Variants in CMKLR1 observed in about 807,000 individuals in gnomAD.
CMKLR1 encodes chemerin-like receptor 1.
CMKLR1 carries 6 observed loss-of-function variants against 8.2 expected under a neutral mutation model. The observed-to-expected ratio is 0.73, with a 90% CI of 0.40 to 1.44. The LOEUF is 1.44. Among genes scored for constraint, CMKLR1 ranks in the 40% most tolerant of loss-of-function variants. CMKLR1 has a pLI of 0.02. For synonymous variants in CMKLR1, 178 were observed against 181.2 expected (o/e 0.98, Z 0.14); for missense variants, 429 against 478.0 (o/e 0.90, Z 0.96).
At chr12:108,334,390 C>A (rs546178491) in intron 1 of CMKLR1, among the ~76,000 whole-genome samples, 1 of 152,328 alleles carries the variant, frequency 6.6e-6, no homozygotes, top group East Asian at 1.9e-4. Flanking sequence ...TGTGGCCAGC[C>A]CAGTTGAAGC....
chr12:108,328,569 C>G (rs1300260239), intron 2 of CMKLR1, among the ~76,000 whole-genome samples: 1 of 152,222 alleles, frequency 6.6e-6, no homozygotes, highest in Non-Finnish European at 1.5e-5. Context: ...GGAGCAGCTG[C>G]CTCTATCCAC....
At position 108,332,566 on chromosome 12, in the gene CMKLR1, C is replaced by T. The variant is rs185656688; in HGVS notation, c.-286-2359G>A. Reference sequence around the variant, plus strand: ...AGAGACTATAAAGCAGGCAGAAAAACCTGAAAAGGAGAGACCGGCCTAGCC... The same window carrying T: ...AGAGACTATAAAGCAGGCAGAAAAATCTGAAAAGGAGAGACCGGCCTAGCC... On this transcript the variant is annotated intron_variant, in intron 1 of 3. Transcript: ENST00000550402. Among the ~76,000 whole-genome samples the T allele has an allele frequency of 4.3e-4, 66 of 152,228 alleles. 1 individual carries two copies. The Middle Eastern group carries it at 0.014, about 31-fold the overall frequency.
At chr12:108,318,612 C>T (rs1593173280) in intron 2 of CMKLR1, among the ~76,000 whole-genome samples, 1 of 152,258 alleles carries the variant, frequency 6.6e-6, no homozygotes, top group East Asian at 1.9e-4. Context: ...CTCCTCGTCA[C>T]CCCAGAGGGC....
intron 2 of CMKLR1, among the ~76,000 whole-genome samples, chr12:108,299,923 C>T (rs1013659508): frequency 4.6e-5 from 7 of 152,314 alleles, no homozygotes; most frequent in Middle Eastern, 3.4e-3. Flanking sequence ...AAAACAAATA[C>T]ACTCCCCATT....
intron 2 of CMKLR1, among the ~76,000 whole-genome samples, chr12:108,324,813 T>G (rs1465269294): frequency 7.8e-6 from 1 of 127,612 alleles, no homozygotes; most frequent in Non-Finnish European, 1.7e-5. Context: ...TCCTTGCAAG[T>G]GTTTACTGAG....
chr12:108,297,994 C>T (rs536182846), intron 2 of CMKLR1, among the ~76,000 whole-genome samples: 1 of 152,290 alleles, frequency 6.6e-6, no homozygotes, highest in South Asian at 2.1e-4. Context: ...AAGCTCTGTG[C>T]TCAGTGAGAA....
intron 2 of CMKLR1, among the ~76,000 whole-genome samples, chr12:108,302,694 C>T (rs1891309669): frequency 6.6e-6 from 1 of 152,204 alleles, no homozygotes; most frequent in Admixed American, 6.5e-5. Flanking sequence ...CAGGTGCTGG[C>T]TATCAGGACC....
chr12:108,319,519 C>A lies in CMKLR1; in HGVS notation c.-74+10476G>T, dbSNP rs117197125. Among the ~76,000 whole-genome samples the A allele has an allele frequency of 7.7e-4, 117 of 152,358 alleles. 2 individuals carry two copies. In the East Asian group the frequency reaches 0.021, roughly 27 times the overall value. On this transcript the variant is annotated intron_variant, in intron 2 of 3. Coordinates refer to ENST00000550402, the MANE Select transcript of CMKLR1 (RefSeq NM_001142343.2). ...GTAAGACCTCTTTGTTGCTTAAATT[C>A]TTTCCTCAGTTTCCCAATCTGTAAA...
At chr12:108,295,652 T>G (rs56053393) in intron 2 of CMKLR1, among the ~76,000 whole-genome samples, 10,857 of 152,172 alleles carry the variant, frequency 0.071, 424 homozygotes, top group Middle Eastern at 0.1. Flanking sequence ...CAAGTATGAG[T>G]TAAGAAGGTG....
intron 2 of CMKLR1, among the ~76,000 whole-genome samples, chr12:108,313,377 C>T (rs559439089): frequency 6.6e-6 from 1 of 152,212 alleles, no homozygotes; most frequent in South Asian, 2.1e-4. Context: ...GGTCTCACAC[C>T]CTCATCTTAC....
At chr12:108,337,812 C>A (rs1892264828) in intron 1 of CMKLR1, among the ~76,000 whole-genome samples, 1 of 152,132 alleles carries the variant, frequency 6.6e-6, no homozygotes, top group African/African-American at 2.4e-5. Context: ...AAGAAAAGGC[C>A]AAGCTGCCTC....
chr12:108,288,123 A>G lies in CMKLR1; in HGVS notation c.*3718T>C, dbSNP rs933916206. ...AGAAGACCCCCTGCTGAATTATTTC[A>G]CAGTAGAAATAGTAGATTCCTCTCT... On this transcript the variant is annotated 3_prime_UTR_variant, in exon 4 of 4. Coordinates refer to ENST00000550402, the MANE Select transcript of CMKLR1 (RefSeq NM_001142343.2). 1.3e-5 allele frequency: 2 copies of G among 152,180 alleles called. No individual in the cohort carries two copies. The highest frequency in any genetic ancestry group is 6.5e-5 in the Admixed American group (1 of 15,282). 9.4% of individuals were successfully genotyped at this position (152,180 alleles called of 1,614,324 possible).
At chr12:108,323,554 C>T (rs1891909925) in intron 2 of CMKLR1, among the ~76,000 whole-genome samples, 1 of 152,144 alleles carries the variant, frequency 6.6e-6, no homozygotes. Context: ...GCAGTGGAGA[C>T]AGGAAGGCTG....
chr12:108,305,838 A>G (rs894941805), intron 2 of CMKLR1, among the ~76,000 whole-genome samples: 2 of 152,152 alleles, frequency 1.3e-5, no homozygotes, highest in African/African-American at 4.8e-5. Flanking sequence ...TCGGGTTTGG[A>G]AGGGGCCACG....
At chr12:108,318,691 CAG>C (rs1360972968) in intron 2 of CMKLR1, among the ~76,000 whole-genome samples, 1 of 152,140 alleles carries the variant, frequency 6.6e-6, no homozygotes, top group Non-Finnish European at 1.5e-5. Context: ...CTGCAGAAAA[CAG>C]AGCAGCCACC....
chr12:108,333,902 C>T (rs551742469), intron 1 of CMKLR1, among the ~76,000 whole-genome samples: 5 of 152,380 alleles, frequency 3.3e-5, no homozygotes, highest in South Asian at 2.1e-4. Context: ...TAACTGGTTT[C>T]GTGCTATCGC....
intron 2 of CMKLR1, among the ~76,000 whole-genome samples, chr12:108,303,791 C>T (rs1207873954): frequency 6.6e-6 from 1 of 152,224 alleles, no homozygotes; most frequent in South Asian, 2.1e-4. Context: ...CCCCAGGTCC[C>T]TCTGCCTCTG....
chr12:108,329,614 T>G (rs1178724335), intron 2 of CMKLR1, among the ~76,000 whole-genome samples: 2 of 152,178 alleles, frequency 1.3e-5, no homozygotes, highest in Non-Finnish European at 2.9e-5. Flanking sequence ...TCTGAATGGA[T>G]GATGAATGGA....
chr12:108,296,669 T>C (rs926751256), intron 2 of CMKLR1, among the ~76,000 whole-genome samples: 2 of 151,966 alleles, frequency 1.3e-5, no homozygotes, highest in African/African-American at 4.8e-5. Flanking sequence ...CTACTAAAAA[T>C]ACAAAAATTA....
Sources: gnomAD v4.1 joint callset for allele counts (sites outside exome capture counted in the v4.1 genomes callset) on GRCh38, gnomAD v4.1.1 for gene constraint, MANE v1.5 for transcripts, NCBI Gene and HGNC (gene_info 2026-07-23, HGNC 2026-07-21) for gene names.